The following MAP1A variants were observed in gnomAD, a reference collection of about 807,000 sequenced individuals.
MAP1A encodes the protein microtubule associated protein 1A.
MAP1A carries 42 observed loss-of-function variants against 185.9 expected under a neutral mutation model. That is an observed-to-expected ratio of 0.23 (90% CI 0.18 to 0.29). The LOEUF (loss-of-function observed/expected upper bound fraction) is 0.29. Ranked by LOEUF, MAP1A falls within the 10% of genes least tolerant of loss-of-function variation. MAP1A has a pLI of 1.00. For missense variants in MAP1A, 2,995 were observed against 3,450.4 expected, an observed-to-expected ratio of 0.87 and a Z score of 3.31; for synonymous variants, 1,229 against 1,335.9, an observed-to-expected ratio of 0.92 and a Z score of 1.74.
Position 43,530,939 on chromosome 15 carries a change from GAGAGC to G in MAP1A, c.*716_*720del, listed in dbSNP as rs2079369178. 1 of 152,752 alleles carries G rather than the reference GAGAGC, an allele frequency of 6.5e-6. No homozygotes were observed. Among genetic ancestry groups the G allele is most frequent in the South Asian group, 2.1e-4 (1 of 4,828 alleles). The allele number at this position is 152,752 out of a possible 1,614,324, so 9.5% of individuals were successfully genotyped here. A position where few individuals can be genotyped will look rare whatever the true frequency, so the allele number is the denominator to read the frequency against. ...TGTCCAGACAGCACAAAACGGCAAG[GAGAGC>G]CCAAGCCCCAATGCCAGAATTCTTC... On this transcript the variant is annotated 3_prime_UTR_variant, in exon 6 of 6. Coordinates refer to ENST00000300231, the MANE Select transcript of MAP1A (RefSeq NM_002373.6).
Position 43,525,078 on chromosome 15 carries a change from A to G in MAP1A, c.3605A>G (p.Glu1202Gly), listed in dbSNP as rs2079336907. The change falls in exon 4 of 6, where the codon GAG becomes GGG. Residue 1202 changes from glutamate to glycine, a missense_variant. Glu to Gly is a moderately conservative substitution (Grantham distance 98, BLOSUM62 -2). Coordinates refer to ENST00000300231, the MANE Select transcript of MAP1A (RefSeq NM_002373.6). ...ACCCAGTCACTTTCTCTGTCAGAAG[A>G]GAGTCCCAGCAAGGAGACCTCCCTG... is the stretch of plus-strand genomic sequence containing the variant. The part of the protein sequence containing the change: ...EDTQSLSLSE[E>G]SPSKETSLDV... The G allele has an allele frequency of 6.2e-7, 1 of 1,614,116 alleles. No individual in the cohort carries two copies. Among genetic ancestry groups the G allele is most frequent in the South Asian group, 1.1e-5 (1 of 91,088 alleles).
chr15:43,525,496 G>A lies in MAP1A; in HGVS notation c.4023G>A (p.Lys1341=), dbSNP rs77969307. 1 of 1,614,120 alleles carries A rather than the reference G, an allele frequency of 6.2e-7. No homozygotes were observed. Among genetic ancestry groups the A allele is most frequent in the African/African-American group, 1.3e-5 (1 of 74,938 alleles). ...PGPALEDIAI[K]WEDKVPGLKD... ...CTGCCTTGGAGGACATTGCCATAAA[G>A]TGGGAAGATAAAGTTCCAGGGTTGA... The change falls in exon 4 of 6, where the codon AAG becomes AAA. Residue 1341 remains lysine (K), a synonymous_variant. Transcript: ENST00000300231.
rs2079337999 is a variant in MAP1A at position 43,525,267 on chromosome 15, C to G, written c.3794C>G (p.Pro1265Arg). Residue 1265 changes from proline to arginine, a missense_variant, in exon 4 of 6, where the codon CCT becomes CGT. Physicochemically the swap from Pro to Arg is moderately radical, Grantham distance 103. Coordinates refer to ENST00000300231, the MANE Select transcript of MAP1A (RefSeq NM_002373.6). ...GAGCCCCATGCAGCCACAGCGTCACCTCCCACAGATGGGACAACTCGATAC... is the reference window on the plus strand; with the variant it reads ...GAGCCCCATGCAGCCACAGCGTCACGTCCCACAGATGGGACAACTCGATAC... ...VPEPHAATAS[P>R]PTDGTTRYSA... The G allele has an allele frequency of 6.2e-7, 1 of 1,614,076 alleles. No individual in the cohort carries two copies. The highest frequency in any genetic ancestry group is 1.7e-5 in the Admixed American group (1 of 60,004).
chr15:43,530,470 A>T lies in MAP1A; in HGVS notation c.*246A>T. 1.9e-6 allele frequency: 1 copy of T among 520,442 alleles called. No homozygotes were observed. The allele number at this position is 520,442 out of a possible 1,614,324, so 32.2% of individuals were successfully genotyped here. Reference sequence around the variant, plus strand: ...AGGGGACAAATTAGAATAGGATAGCATCTGATGCCTGAGAACCCTCTCCTA... The same window carrying T: ...AGGGGACAAATTAGAATAGGATAGCTTCTGATGCCTGAGAACCCTCTCCTA... On this transcript the variant is annotated 3_prime_UTR_variant, in exon 6 of 6. Coordinates refer to ENST00000300231, the MANE Select transcript of MAP1A (RefSeq NM_002373.6).
chr15:43,527,949 C>T lies in MAP1A; in HGVS notation c.6476C>T (p.Pro2159Leu), dbSNP rs1210957556. ...PLDSHLGPARPSLDFPASAFG... is the reference protein window; with the variant it reads ...PLDSHLGPARLSLDFPASAFG... ...GACTCACACCTGGGGCCTGCCCGAC[C>T]CAGTCTGGACTTCCCTGCTTCAGCC... Residue 2159 changes from proline to leucine, a missense_variant, in exon 4 of 6, where the codon CCC (proline) becomes CTC (leucine). Around this residue, in one of 3 missense-constraint regions of MAP1A, gnomAD observed 2,728 missense variants for 2,986.0 expected, o/e 0.91. Transcript: ENST00000300231. 1 of 1,614,132 alleles carries T rather than the reference C, an allele frequency of 6.2e-7. No homozygotes were observed.
Position 43,526,992 on chromosome 15 carries a change from C to G in MAP1A, c.5519C>G (p.Ala1840Gly). 3.1e-6 allele frequency: 5 copies of G among 1,612,646 alleles called. No homozygotes were observed. Among genetic ancestry groups the G allele is most frequent in the Non-Finnish European group, 4.2e-6 (5 of 1,179,232 alleles). Residue 1840 changes from alanine to glycine, a missense_variant, in exon 4 of 6, where the codon GCT (alanine) becomes GGT (glycine). Transcript: ENST00000300231. This position sits in a 1 kb window ranked among gnomAD's most constrained non-coding sequence, Gnocchi z 4.7. Reference sequence around the variant, plus strand: ...GAACCCACTACTCCCTCATGGCTGGCTGACATCCCACCCTGGGTGCCCAAG... The same window carrying G: ...GAACCCACTACTCCCTCATGGCTGGGTGACATCCCACCCTGGGTGCCCAAG... ...KNEPTTPSWL[A>G]DIPPWVPKDR...
At chr15:43,513,071 G>A (rs1339406658), upstream of MAP1A, among the ~76,000 whole-genome samples, 1 of 152,216 alleles carries the variant, frequency 6.6e-6, no homozygotes, top group Non-Finnish European at 1.5e-5. Context: ...GCTCACACCT[G>A]TAATCCCAAC....
At chr15:43,515,090 CT>C (rs1170971495), upstream of MAP1A, among the ~76,000 whole-genome samples, 1 of 152,136 alleles carries the variant, frequency 6.6e-6, no homozygotes, top group Non-Finnish European at 1.5e-5. Flanking sequence ...TGGTGCACAC[CT>C]GTAATCCCAG....
chr15:43,511,060 A>G, exon 1 of MAP1A: 1 of 1,549,326 alleles, frequency 6.5e-7, no homozygotes, highest in Non-Finnish European at 8.7e-7. Context: ...TGGGGCTCCG[A>G]AGTCCCGGCG....
chr15:43,529,092 T>C lies in MAP1A; in HGVS notation c.7619T>C (p.Leu2540Pro), dbSNP rs2079359908. The change falls in exon 4 of 6, where the codon CTA becomes CCA. Residue 2540 changes from leucine to proline, a missense_variant. This residue lies in a region of MAP1A where 2,728 missense variants were observed against 2,986.0 expected (regional missense o/e 0.91). Transcript: ENST00000300231. The surrounding 1 kb of genome is among the most constrained non-coding windows in gnomAD (Gnocchi z 4.3). The part of the protein sequence containing the change: ...ALDSDEDGDF[L>P]PVDKAGGVSG... ...GACTCAGATGAAGATGGAGACTTCC[T>C]ACCTGTGGACAAAGCTGGGGGTGTC... 6.2e-7 allele frequency: 1 copy of C among 1,613,818 alleles called. No individual in the cohort carries two copies. Among genetic ancestry groups the C allele is most frequent in the Non-Finnish European group, 8.5e-7 (1 of 1,179,984 alleles).
rs980805915 is a variant in MAP1A, at chr15:43,512,183, C to G, written c.239-7C>G. The G allele has an allele frequency of 4.6e-6, 7 of 1,514,332 alleles. No homozygotes were observed. The African/African-American group carries it at 8.3e-5, about 18-fold the overall frequency. 93.8% of individuals were successfully genotyped at this position (1,514,332 alleles called of 1,614,324 possible). On this transcript the variant is annotated splice_polypyrimidine_tract_variant and splice_region_variant and intron_variant, in intron 1 of 6. Transcript: ENST00000382031. ...TATCCAGAACCTTCTTTGTTTTTCT[C>G]CCACAGGGATTCTCTCCTGGAACAT... is the stretch of plus-strand genomic sequence containing the variant.
chr15:43,519,925 T>G (rs2079312914), intron 1 of MAP1A, among the ~76,000 whole-genome samples: 2 of 152,170 alleles, frequency 1.3e-5, no homozygotes, highest in Non-Finnish European at 2.9e-5. Context: ...GACATGAAGA[T>G]CAGGTTGGAG....
rs750541025 is a variant in MAP1A, at chr15:43,524,889, G to A, written c.3416G>A (p.Arg1139Lys). Residue 1139 changes from arginine (R) to lysine (K), a missense_variant, in exon 4 of 6, where the codon AGA becomes AAA. By Grantham distance (26) the Arg-to-Lys change is conservative. Transcript: ENST00000300231. ...AAACCTCAGAAAGATGAGGTGCTCA[G>A]ATATCCTGACCGAAGCCTCTCTCCT... Reference protein sequence around the residue: ...PGKPQKDEVLRYPDRSLSPED... With the variant: ...PGKPQKDEVLKYPDRSLSPED... The A allele has an allele frequency of 3.1e-6, 5 of 1,614,188 alleles. No individual in the cohort carries two copies. The highest frequency in any genetic ancestry group is 4.2e-6 in the Non-Finnish European group (5 of 1,180,032).
chr15:43,522,876 C>G lies in MAP1A; in HGVS notation c.1403C>G (p.Thr468Ser). The G allele has an allele frequency of 1.9e-6, 3 of 1,610,670 alleles. No homozygotes were observed. Among genetic ancestry groups the G allele is most frequent in the Non-Finnish European group, 2.5e-6 (3 of 1,178,272 alleles). Residue 468 changes from threonine to serine, a missense_variant, in exon 4 of 6, where the codon ACT (threonine) becomes AGT (serine). By Grantham distance (58) the Thr-to-Ser change is moderately conservative. This residue lies in a region of MAP1A where 2,728 missense variants were observed against 2,986.0 expected (regional missense o/e 0.91). Transcript: ENST00000300231. The surrounding 1 kb of genome is among the most constrained non-coding windows in gnomAD (Gnocchi z 5.9). Reference sequence around the variant, plus strand: ...TCCAAGCCAGACCTAAAGCCCTTTACTCCTGAGGTACGTAAGACCCTCTAT... The same window carrying G: ...TCCAAGCCAGACCTAAAGCCCTTTAGTCCTGAGGTACGTAAGACCCTCTAT... ...KISKPDLKPF[T>S]PEVRKTLYKA...
chr15:43,517,427 C>T (rs887736986), upstream of MAP1A, among the ~76,000 whole-genome samples: 3 of 152,112 alleles, frequency 2.0e-5, no homozygotes, highest in African/African-American at 7.2e-5. Flanking sequence ...TGCAGAGGCT[C>T]CTTGAGCTGC....
chr15:43,531,570 C>G lies in MAP1A; in HGVS notation c.*1346C>G, dbSNP rs16957833. ...CTGCTATAGTTCCCAGCTGCTGTAA[C>G]GGAGCCACCTCCAACTCTAACAATA... On this transcript the variant is annotated 3_prime_UTR_variant, in exon 6 of 6. Transcript: ENST00000300231. The G allele has an allele frequency of 6.5e-6, 1 of 152,842 alleles. No homozygotes were observed. The highest frequency in any genetic ancestry group is 2.4e-5 in the African/African-American group (1 of 41,444). 9.5% of individuals were successfully genotyped at this position (152,842 alleles called of 1,614,324 possible). A position where few individuals can be genotyped will look rare whatever the true frequency, so the allele number is the denominator to read the frequency against.
chr15:43,526,066 A>C lies in MAP1A; in HGVS notation c.4593A>C (p.Glu1531Asp). The change falls in exon 4 of 6, where the codon GAA (glutamate) becomes GAC (aspartate). Residue 1531 changes from glutamate (E) to aspartate (D), a missense_variant. Physicochemically the swap from Glu to Asp is conservative, Grantham distance 45. Coordinates refer to ENST00000300231, the MANE Select transcript of MAP1A (RefSeq NM_002373.6). The surrounding 1 kb of genome is among the most constrained non-coding windows in gnomAD (Gnocchi z 4.7). The stretch of plus-strand genomic sequence containing the variant: ...TAGAACAGACAGACAAAGCCCCTGA[A>C]CAGAAACACCAGGCCCAGGAACAAA... ...RDLEQTDKAP[E>D]QKHQAQEQKD... 1 of 1,614,104 alleles carries C rather than the reference A, an allele frequency of 6.2e-7. No homozygotes were observed. The highest frequency in any genetic ancestry group is 8.5e-7 in the Non-Finnish European group (1 of 1,180,014).
chr15:43,526,766 A>G lies in MAP1A; in HGVS notation c.5293A>G (p.Lys1765Glu). The change falls in exon 4 of 6, where the codon AAG becomes GAG. Residue 1765 changes from lysine to glutamate, a missense_variant. Coordinates refer to ENST00000300231, the MANE Select transcript of MAP1A (RefSeq NM_002373.6). The surrounding 1 kb of genome is among the most constrained non-coding windows in gnomAD (Gnocchi z 4.7). ...GGATTTCCAGGAATCCTCACCACAG[A>G]AGGGGCTAGAGGTGGAGCGCTGGCT... ...FKDFQESSPQ[K>E]GLEVERWLAE... The G allele has an allele frequency of 1.2e-6, 2 of 1,614,124 alleles. No individual in the cohort carries two copies. The highest frequency in any genetic ancestry group is 2.2e-5 in the South Asian group (2 of 91,086).
Position 43,523,840 on chromosome 15 carries a change from T to C in MAP1A, c.2367T>C (p.Pro789=). The C allele has an allele frequency of 6.2e-7, 1 of 1,614,126 alleles. No homozygotes were observed. The highest frequency in any genetic ancestry group is 1.1e-5 in the South Asian group (1 of 91,086). The part of the protein sequence containing the change: ...EGAGPFEASQ[P]ADSAVPATSG... Reference sequence around the variant, plus strand: ...CTGGCCCATTCGAAGCCAGCCAACCTGCCGATAGTGCTGTTCCTGCTACCT... The same window carrying C: ...CTGGCCCATTCGAAGCCAGCCAACCCGCCGATAGTGCTGTTCCTGCTACCT... Residue 789 remains proline, a synonymous_variant, in exon 4 of 6, where the codon CCT becomes CCC. Transcript: ENST00000300231.
Sources: gnomAD v4.1 joint callset for allele counts (sites outside exome capture counted in the v4.1 genomes callset) on GRCh38, gnomAD v4.1.1 for gene constraint, gnomAD v4.1.1 regional missense constraint, Gnocchi (gnomAD v3.1) non-coding constraint, MANE v1.5 for transcripts, NCBI Gene and HGNC (gene_info 2026-07-23, HGNC 2026-07-21) for gene names.